SGCZ: variants seen among roughly 807,000 people sequenced by gnomAD.
SGCZ encodes sarcoglycan zeta, also known as zeta-sarcoglycan.
Under a neutral mutation model 41.3 loss-of-function variants are expected in SGCZ, and 40 were observed. The observed-to-expected ratio is 0.97, with a 90% confidence interval of 0.75 to 1.26. The LOEUF (loss-of-function observed/expected upper bound fraction) is 1.26, where lower values mean the gene tolerates loss of function less well. Among genes scored for constraint, SGCZ ranks in the 50% most tolerant of loss-of-function variants. The probability of loss-of-function intolerance (pLI) is 0.00; values close to 1 mark genes in which losing one functional copy is unlikely to be tolerated. For synonymous variants in SGCZ, 206 were observed against 137.5 expected (o/e 1.50, Z -3.49); for missense variants, 552 against 369.8 (o/e 1.49, Z -4.04).
rs192578286 is a variant in SGCZ at position 15,086,934 on chromosome 8, C to T, written c.39+150651G>A. On this transcript the variant is annotated intron_variant, in intron 1 of 7. Transcript: ENST00000382080. Reference sequence around the variant, plus strand: ...ATAAAGAAGGCATCCTTTTCATTGACTATAGGCAAGTTTTGGTGAAAAGGA... The same window carrying T: ...ATAAAGAAGGCATCCTTTTCATTGATTATAGGCAAGTTTTGGTGAAAAGGA... Among the ~76,000 whole-genome samples, 698 of 152,144 alleles carry T rather than the reference C, an allele frequency of 4.6e-3. 6 individuals carry two copies. Among genetic ancestry groups the T allele is most frequent in the African/African-American group, 0.014 (587 of 41,506 alleles).
At chr8:14,808,784 T>G (rs1162610825) in intron 1 of SGCZ, among the ~76,000 whole-genome samples, 1 of 151,932 alleles carries the variant, frequency 6.6e-6, no homozygotes, top group Admixed American at 6.6e-5. Context: ...TGCACACGTA[T>G]GTTTATTGTG....
intron 2 of SGCZ, among the ~76,000 whole-genome samples, chr8:14,443,174 T>C (rs1800323955): frequency 6.6e-6 from 1 of 152,166 alleles, no homozygotes; most frequent in Admixed American, 6.5e-5. Context: ...TAGAAACAAA[T>C]GGAAGAATAT....
intron 3 of SGCZ, among the ~76,000 whole-genome samples, chr8:14,283,219 T>C (rs911145136): frequency 2.0e-5 from 3 of 152,140 alleles, no homozygotes; most frequent in Non-Finnish European, 4.4e-5. Flanking sequence ...CTTAAATGAC[T>C]ATCTAGCTCA....
At chr8:14,623,646 G>A (rs986233053) in intron 1 of SGCZ, among the ~76,000 whole-genome samples, 2 of 152,084 alleles carry the variant, frequency 1.3e-5, no homozygotes, top group South Asian at 4.1e-4. Context: ...GCTTCAAGTG[G>A]CCAATGAGTT....
intron 1 of SGCZ, among the ~76,000 whole-genome samples, chr8:14,671,738 G>C (rs1223884223): frequency 6.6e-6 from 1 of 151,818 alleles, no homozygotes; most frequent in Non-Finnish European, 1.5e-5. Context: ...TATAACATTA[G>C]GAATAATAAC....
intron 1 of SGCZ, among the ~76,000 whole-genome samples, chr8:14,668,479 T>A (rs1390195471): frequency 1.3e-5 from 2 of 152,322 alleles, no homozygotes; most frequent in Admixed American, 1.3e-4. Flanking sequence ...GATGCCTTTC[T>A]AAATGAAATT....
At chr8:14,548,647 C>T (rs1481173022) in intron 2 of SGCZ, among the ~76,000 whole-genome samples, 4 of 152,066 alleles carry the variant, frequency 2.6e-5, no homozygotes, top group Non-Finnish European at 4.4e-5. Flanking sequence ...TTTCTAAGTT[C>T]TGCCGTTACT....
At chr8:14,974,381 T>C (rs760002982) in intron 1 of SGCZ, among the ~76,000 whole-genome samples, 28 of 152,228 alleles carry the variant, frequency 1.8e-4, no homozygotes, top group Non-Finnish European at 4.4e-5. Flanking sequence ...ACATAGAACA[T>C]ACAACTGGGA....
At position 14,913,853 on chromosome 8, in the gene SGCZ, A is replaced by G. The variant is rs140793702; in HGVS notation, c.39+323732T>C. On this transcript the variant is annotated intron_variant, in intron 1 of 7. Transcript: ENST00000382080. ...TAGGTTTTCCAAGTGACGTTGCTTA[A>G]CAGAAGAATCTATGCAGCTCTCTGG... 2.6e-4 allele frequency among the ~76,000 whole-genome samples: 40 copies of G among 151,582 alleles called. No homozygotes were observed. The East Asian group carries it at 7.1e-3, about 27-fold the overall frequency.
intron 1 of SGCZ, among the ~76,000 whole-genome samples, chr8:15,023,967 G>A (rs558823172): frequency 6.6e-6 from 1 of 152,164 alleles, no homozygotes; most frequent in Non-Finnish European, 1.5e-5. Context: ...ATGGAGTGCA[G>A]AATACAGGGA....
At chr8:15,023,582 A>G (rs1803336761) in intron 1 of SGCZ, among the ~76,000 whole-genome samples, 2 of 152,230 alleles carry the variant, frequency 1.3e-5, no homozygotes, top group South Asian at 2.1e-4. Context: ...AAATATGTAC[A>G]GCAATTAAAA....
intron 4 of SGCZ, among the ~76,000 whole-genome samples, chr8:14,232,221 G>C (rs4831559): frequency 0.63 from 95,464 of 151,460 alleles, 30,360 homozygotes; most frequent in South Asian, 0.77. Flanking sequence ...GAACAATCTT[G>C]AAACCTTTAT....
At chr8:14,539,160 A>C (rs958609003) in intron 2 of SGCZ, among the ~76,000 whole-genome samples, 4 of 152,158 alleles carry the variant, frequency 2.6e-5, no homozygotes, top group African/African-American at 9.6e-5. Flanking sequence ...TTCGGCCAGC[A>C]GATTATCTTC....
intron 3 of SGCZ, among the ~76,000 whole-genome samples, chr8:14,297,490 T>C (rs1801055013): frequency 6.6e-6 from 1 of 151,490 alleles, no homozygotes; most frequent in Non-Finnish European, 1.5e-5. Flanking sequence ...ATCAATAAAA[T>C]TGATAAAAAC....
intron 1 of SGCZ, among the ~76,000 whole-genome samples, chr8:14,699,514 A>G (rs931907488): frequency 6.6e-6 from 1 of 151,882 alleles, no homozygotes; most frequent in South Asian, 2.1e-4. Context: ...TATAAAAACT[A>G]TAGAAGAAAT....
intron 5 of SGCZ, among the ~76,000 whole-genome samples, chr8:14,122,178 G>C (rs1465768744): frequency 2.0e-5 from 3 of 152,226 alleles, no homozygotes; most frequent in African/African-American, 7.2e-5. Context: ...TCGGGAGGCT[G>C]AGGCAGGAGA....
intron 1 of SGCZ, among the ~76,000 whole-genome samples, chr8:14,908,131 A>C (rs1050633975): frequency 6.6e-6 from 1 of 152,186 alleles, no homozygotes; most frequent in African/African-American, 2.4e-5. Flanking sequence ...TAGTTAATAG[A>C]ACCTTTTCTG....
At chr8:14,442,491 C>G (rs899739141) in intron 2 of SGCZ, among the ~76,000 whole-genome samples, 5 of 152,132 alleles carry the variant, frequency 3.3e-5, no homozygotes, top group Non-Finnish European at 7.4e-5. Flanking sequence ...AGCATGAAAA[C>G]AAACTAATAC....
intron 1 of SGCZ, among the ~76,000 whole-genome samples, chr8:14,955,986 A>C (rs2130843827): frequency 6.6e-6 from 1 of 151,156 alleles, no homozygotes; most frequent in Non-Finnish European, 1.5e-5. Flanking sequence ...TTGGGATTTT[A>C]ATGCAATCGA....
Sources: gnomAD v4.1 joint callset for allele counts (sites outside exome capture counted in the v4.1 genomes callset) on GRCh38, gnomAD v4.1.1 for gene constraint, MANE v1.5 for transcripts, NCBI Gene and HGNC (gene_info 2026-07-23, HGNC 2026-07-21) for gene names.